SLC2A9: variants seen among roughly 807,000 people sequenced by gnomAD.
SLC2A9 encodes the protein solute carrier family 2 member 9.
A neutral mutation model predicts 50.6 loss-of-function variants in SLC2A9; 39 were observed. The observed-to-expected ratio is 0.77, with a 90% CI of 0.60 to 1.01. SLC2A9 has a LOEUF of 1.01. Among genes scored for constraint, SLC2A9 ranks in the 50% least tolerant of loss-of-function variants. The probability of loss-of-function intolerance (pLI) is 0.00; values close to 1 mark genes in which losing one functional copy is unlikely to be tolerated. For synonymous variants in SLC2A9, 324 were observed against 276.9 expected, an observed-to-expected ratio of 1.17 and a Z score of -1.69; for missense variants, 686 against 677.6, an observed-to-expected ratio of 1.01 and a Z score of -0.14.
At chr4:9,876,016 C>T (rs16889932) in intron 10 of SLC2A9, among the ~76,000 whole-genome samples, 10,462 of 152,218 alleles carry the variant, frequency 0.069, 842 homozygotes, top group East Asian at 0.25. Context: ...TTGATAAAAG[C>T]GGAAATGAAT....
At chr4:9,946,333 G>T (rs1749149658) in intron 5 of SLC2A9, among the ~76,000 whole-genome samples, 1 of 152,072 alleles carries the variant, frequency 6.6e-6, no homozygotes, top group African/African-American at 2.4e-5. Context: ...GACTACTTTA[G>T]TCCATAAATA....
At chr4:9,986,662 G>C (rs1756775828) in intron 3 of SLC2A9, among the ~76,000 whole-genome samples, 1 of 147,832 alleles carries the variant, frequency 6.8e-6, no homozygotes, top group Admixed American at 6.7e-5. Flanking sequence ...ATACTCCTCA[G>C]ACCCAATGGC....
chr4:9,820,092 T>C (rs1241485754), intron 3 of SLC2A9, among the ~76,000 whole-genome samples: 1 of 152,274 alleles, frequency 6.6e-6, no homozygotes, highest in Non-Finnish European at 1.5e-5. Flanking sequence ...CCTAAGTTTT[T>C]TTCTAAACTT....
chr4:9,895,706 C>A (rs1738420460), intron 8 of SLC2A9, among the ~76,000 whole-genome samples: 2 of 152,198 alleles, frequency 1.3e-5, no homozygotes, highest in Non-Finnish European at 2.9e-5. Flanking sequence ...GTGTAGTTTT[C>A]ATTCAGTCTA....
At chr4:9,782,336 G>A (rs775440942) in intron 3 of SLC2A9, 2 of 1,614,054 alleles carry the variant, frequency 1.2e-6, no homozygotes, top group Non-Finnish European at 1.7e-6. Flanking sequence ...AGTCGCCGAG[G>A]TGGCCGGTTA....
upstream of SLC2A9, among the ~76,000 whole-genome samples, chr4:10,022,025 G>A (rs1050184358): frequency 2.0e-5 from 3 of 152,008 alleles, no homozygotes; most frequent in Admixed American, 2.0e-4. Context: ...TTTTAGTAGA[G>A]ACTGTGTTTC....
rs573922387 is a variant in SLC2A9, at chr4:9,994,879, C to T, written c.410+1902G>A. Among the ~76,000 whole-genome samples the T allele has an allele frequency of 5.3e-5, 8 of 152,170 alleles. No homozygotes were observed. The East Asian group carries it at 1.5e-3, about 29-fold the overall frequency. On this transcript the variant is annotated intron_variant, in intron 3 of 11. Coordinates refer to ENST00000264784, the MANE Select transcript of SLC2A9 (RefSeq NM_020041.3). ...CTGGGGCATGGGGAGTGACTCCATC[C>T]CACTAGGACAAGCAAGAGGACCATG...
chr4:9,799,695 C>CA (rs1560128386), intron 3 of SLC2A9, among the ~76,000 whole-genome samples: 20 of 59,452 alleles, frequency 3.4e-4, no homozygotes, highest in South Asian at 3.2e-3. Flanking sequence ...CAATTGTACC[C>CA]CCCCCCCACC....
intron 11 of SLC2A9, among the ~76,000 whole-genome samples, chr4:9,829,316 T>G (rs557077645): frequency 3.9e-5 from 6 of 152,106 alleles, no homozygotes; most frequent in African/African-American, 1.2e-4. Flanking sequence ...AGGTAAAGAT[T>G]AAAACTGGAC....
intron 2 of SLC2A9, among the ~76,000 whole-genome samples, chr4:10,018,561 TAGATAGATAGATA>T (rs1763029094): frequency 2.1e-5 from 1 of 48,506 alleles, no homozygotes; most frequent in African/African-American, 4.5e-5. Context: ...GATAGATAGA[TAGATAGATAGATA>T]GATAGATAGA....
At chr4:9,796,146 A>T (rs1227972512), downstream of SLC2A9, among the ~76,000 whole-genome samples, 1 of 152,178 alleles carries the variant, frequency 6.6e-6, no homozygotes, top group Non-Finnish European at 1.5e-5. Flanking sequence ...TATGTGGCTC[A>T]CGCTCCCATA....
intron 6 of SLC2A9, among the ~76,000 whole-genome samples, chr4:9,931,721 C>T (rs1259854687): frequency 6.6e-6 from 1 of 151,882 alleles, no homozygotes; most frequent in African/African-American, 2.4e-5. Context: ...TTGCCATTAT[C>T]CGGCAGCTTG....
At chr4:9,903,988 A>G (rs1386646992) in intron 8 of SLC2A9, among the ~76,000 whole-genome samples, 1 of 148,604 alleles carries the variant, frequency 6.7e-6, no homozygotes, top group Non-Finnish European at 1.5e-5. Context: ...TATGCATATT[A>G]TATATATAAC....
chr4:9,955,507 A>AC (rs1182480206), intron 5 of SLC2A9, among the ~76,000 whole-genome samples: 1 of 151,318 alleles, frequency 6.6e-6, no homozygotes, highest in Non-Finnish European at 1.5e-5. Flanking sequence ...AAAAAAAAAA[A>AC]AAAAAAAAAA....
chr4:9,961,891 A>T (rs1752328633), intron 5 of SLC2A9, among the ~76,000 whole-genome samples: 1 of 152,234 alleles, frequency 6.6e-6, no homozygotes, highest in Non-Finnish European at 1.5e-5. Context: ...CAACATCATT[A>T]AAAAGTGGGC....
At chr4:9,816,487 G>A (rs1454960066) in intron 3 of SLC2A9, among the ~76,000 whole-genome samples, 1 of 152,062 alleles carries the variant, frequency 6.6e-6, no homozygotes, top group Non-Finnish European at 1.5e-5. Context: ...ACAGTTTCAG[G>A]TACTGTATAC....
intron 3 of SLC2A9, among the ~76,000 whole-genome samples, chr4:9,816,725 C>T (rs969058273): frequency 1.3e-5 from 2 of 151,942 alleles, no homozygotes; most frequent in Non-Finnish European, 2.9e-5. Flanking sequence ...GTTGATTATA[C>T]TTCAATGTAG....
At chr4:9,863,215 T>C (rs1000945350) in intron 10 of SLC2A9, among the ~76,000 whole-genome samples, 1 of 152,006 alleles carries the variant, frequency 6.6e-6, no homozygotes, top group Non-Finnish European at 1.5e-5. Flanking sequence ...GGCATGAACA[T>C]GGCTCACTCT....
chr4:9,771,762 C>T (rs1469765867), intron 1 of SLC2A9, among the ~76,000 whole-genome samples: 2 of 152,200 alleles, frequency 1.3e-5, no homozygotes, highest in Non-Finnish European at 2.9e-5. Flanking sequence ...GGCTACTACC[C>T]TGGAGTCTTG....
Sources: gnomAD v4.1 joint callset for allele counts (sites outside exome capture counted in the v4.1 genomes callset) on GRCh38, gnomAD v4.1.1 for gene constraint, MANE v1.5 for transcripts, NCBI Gene and HGNC (gene_info 2026-07-23, HGNC 2026-07-21) for gene names.